GAGE10: variants seen among roughly 807,000 people sequenced by gnomAD.
The protein encoded by GAGE10 is G antigen 10.
Under a neutral mutation model 11.5 loss-of-function variants are expected in GAGE10, and 9 were observed. The ratio of observed to expected loss-of-function variants is 0.78; its 90% CI spans 0.47 to 1.37. The LOEUF is 1.37. Among genes scored for constraint, GAGE10 ranks in the 40% most tolerant of loss-of-function variants. The probability of loss-of-function intolerance (pLI) is 0.00; values close to 1 mark genes in which losing one functional copy is unlikely to be tolerated. For synonymous variants in GAGE10, 23 were observed against 29.7 expected (o/e 0.77, Z 0.73); for missense variants, 83 against 92.9 (o/e 0.89, Z 0.44).
At chrX:49,319,377 T>A (rs2066407053) in intron 4 of GAGE10, among the ~76,000 whole-genome samples, 1 of 113,490 alleles carries the variant, frequency 8.8e-6, no homozygotes, top group Non-Finnish European at 1.9e-5. Context: ...TTTAGAGACA[T>A]GAATTGATAA....
intron 3 of GAGE10, among the ~76,000 whole-genome samples, chrX:49,309,743 C>A (rs782677086): frequency 1.3e-4 from 14 of 111,866 alleles, no homozygotes; most frequent in Non-Finnish European, 2.3e-4. Context: ...AATCTACCCC[C>A]CTTTACTAAG....
chrX:49,317,152 T>C lies in GAGE10; in HGVS notation c.203-11T>C. 1 of 1,196,711 alleles carries C rather than the reference T, an allele frequency of 8.4e-7. No individual in the cohort carries two copies. Among genetic ancestry groups the C allele is most frequent in the Non-Finnish European group, 1.1e-6 (1 of 885,327 alleles). ...TACTGCTTAAATTGATATGTATTTTTTATTTTTAATGGCCGAAGCCTGAAG... is the reference window on the plus strand; with the variant it reads ...TACTGCTTAAATTGATATGTATTTTCTATTTTTAATGGCCGAAGCCTGAAG... On this transcript the variant is annotated splice_polypyrimidine_tract_variant and intron_variant, in intron 3 of 4. Transcript: ENST00000407599.
chrX:49,317,078 A>G (rs2066394534), intron 3 of GAGE10, 85 bp from the exon 4 acceptor site: 1 of 1,029,915 alleles, frequency 9.7e-7, no homozygotes, highest in Admixed American at 2.5e-5. Flanking sequence ...GCTTTTATAT[A>G]ATAACACCGA....
At chrX:49,317,061 A>G (rs1469586920) in intron 3 of GAGE10, 102 bp from the exon 4 acceptor site, 6 of 955,962 alleles carry the variant, frequency 6.3e-6, no homozygotes, top group Non-Finnish European at 7.1e-6. Flanking sequence ...TTATTATACT[A>G]GCTAAAGCTT....
chrX:49,315,414 G>T (rs1451477188), intron 3 of GAGE10, among the ~76,000 whole-genome samples: 1 of 111,577 alleles, frequency 9.0e-6, no homozygotes, highest in Non-Finnish European at 1.9e-5. Context: ...AAATATTATG[G>T]GCCAACTACC....
intron 3 of GAGE10, among the ~76,000 whole-genome samples, chrX:49,316,953 T>C (rs1169280797): frequency 3.4e-4 from 38 of 111,125 alleles, no homozygotes; most frequent in African/African-American, 1.2e-3. Flanking sequence ...GGGCAGTCTC[T>C]GGAAAGGAAG....
At chrX:49,317,092 C>T in intron 3 of GAGE10, 71 bp from the exon 4 acceptor site, 2 of 1,071,813 alleles carry the variant, frequency 1.9e-6, no homozygotes, top group Admixed American at 2.3e-5. Flanking sequence ...ACACCGAGAG[C>T]ATGAATATTA....
chrX:49,317,339 T>C, intron 4 of GAGE10, 51 bp downstream of exon 4: 7 of 1,160,512 alleles, frequency 6.0e-6, no homozygotes, highest in Non-Finnish European at 7.0e-6. Flanking sequence ...TTCCACAGTA[T>C]CGTATCATAA....
Position 49,304,906 on chromosome X carries a change from A to C in GAGE10, c.47A>C (p.Tyr16Ser). The C allele has an allele frequency of 8.3e-7, 1 of 1,209,212 alleles. No individual in the cohort carries two copies. The highest frequency in any genetic ancestry group is 1.8e-5 in the South Asian group (1 of 56,936). Reference protein sequence around the residue: ...RSTYRPRPRRYVEPPEMIGPM... With the variant: ...RSTYRPRPRRSVEPPEMIGPM... ...ACCTATCGGCCTAGACCAAGACGCTACGTAGAGCCCCCTGAAATGATTGGG... is the reference window on the plus strand; with the variant it reads ...ACCTATCGGCCTAGACCAAGACGCTCCGTAGAGCCCCCTGAAATGATTGGG... The change falls in exon 2 of 5, where the codon TAC becomes TCC. Residue 16 changes from tyrosine (Y) to serine (S), a missense_variant. Tyr to Ser is a moderately radical substitution (Grantham distance 144). Coordinates refer to ENST00000407599, the MANE Select transcript of GAGE10 (RefSeq NM_001098413.4).
At position 49,307,402 on chromosome X, in the gene GAGE10, A is replaced by G. The variant is rs782033279; in HGVS notation, c.202+1878A>G. On this transcript the variant is annotated intron_variant, in intron 3 of 4. Transcript: ENST00000407599. ...AAAATCAAAATCAGGAAATTTAACA[A>G]TGAGAAAATGCAGTCATTTATTACA... Among the ~76,000 whole-genome samples, 5 of 112,489 alleles carry G rather than the reference A, an allele frequency of 4.4e-5. No individual in the cohort carries two copies. In the East Asian group the frequency reaches 1.4e-3, roughly 31 times the overall value.
At chrX:49,317,394 C>CTG (rs2066397332) in intron 4 of GAGE10, 106 bp downstream of exon 4, 34 of 1,076,895 alleles carry the variant, frequency 3.2e-5, no homozygotes, top group Non-Finnish European at 3.8e-5. Flanking sequence ...GTCCACCAGG[C>CTG]TGGAGTGCAG....
chrX:49,306,640 T>A (rs782434618), intron 3 of GAGE10, among the ~76,000 whole-genome samples: 9 of 111,476 alleles, frequency 8.1e-5, no homozygotes, highest in Non-Finnish European at 1.5e-4. Flanking sequence ...CGGTACTCTA[T>A]GGCTGAATAT....
Position 49,307,475 on chromosome X carries a change from C to CTT in GAGE10, c.202+1963_202+1964dup, listed in dbSNP as rs60753797. On this transcript the variant is annotated intron_variant, in intron 3 of 4. Coordinates refer to ENST00000407599, the MANE Select transcript of GAGE10 (RefSeq NM_001098413.4). ...AGTTCTCCAGACAATTTCTTTTTTC[C>CTT]TTTTTTTTTTTTTCCTTTGTTGAGA... Among the ~76,000 whole-genome samples the CTT allele has an allele frequency of 3.9e-3, 399 of 103,591 alleles. 3 individuals are homozygous for CTT. Among genetic ancestry groups the CTT allele is most frequent in the African/African-American group, 0.011 (305 of 28,536 alleles). The allele number at this position is 103,591 out of a possible 115,157, so 90.0% of individuals were successfully genotyped here. A position where few individuals can be genotyped will look rare whatever the true frequency, so the allele number is the denominator to read the frequency against.
intron 3 of GAGE10, among the ~76,000 whole-genome samples, chrX:49,308,668 G>T (rs1410165730): frequency 4.5e-5 from 5 of 112,149 alleles, no homozygotes; most frequent in Non-Finnish European, 7.5e-5. Flanking sequence ...CTCAGTGGTG[G>T]AGAAAATGGG....
intron 3 of GAGE10, among the ~76,000 whole-genome samples, chrX:49,316,690 T>C (rs1360667846): frequency 2.7e-5 from 3 of 112,421 alleles, no homozygotes; most frequent in Non-Finnish European, 5.6e-5. Context: ...TTGTCATTCA[T>C]GATACAGACA....
At chrX:49,305,741 G>T (rs1441255268) in intron 3 of GAGE10, among the ~76,000 whole-genome samples, 1 of 111,730 alleles carries the variant, frequency 9.0e-6, no homozygotes, top group Admixed American at 9.5e-5. Context: ...TATGATAAAA[G>T]TTCTCATCTT....
intron 4 of GAGE10, among the ~76,000 whole-genome samples, chrX:49,317,748 C>T (rs1220624098): frequency 3.6e-5 from 4 of 110,558 alleles, no homozygotes; most frequent in East Asian, 5.6e-4. Flanking sequence ...CCCCAGCACC[C>T]GACTGATAGA....
intron 4 of GAGE10, among the ~76,000 whole-genome samples, chrX:49,317,698 G>C (rs4824465): frequency 6.3e-5 from 7 of 111,745 alleles, no homozygotes; most frequent in East Asian, 2.8e-4. Context: ...TCTTTAGTAA[G>C]AGAGTTCTTA....
At chrX:49,307,618 A>G (rs1557124304) in intron 3 of GAGE10, among the ~76,000 whole-genome samples, 1 of 111,027 alleles carries the variant, frequency 9.0e-6, no homozygotes, top group Non-Finnish European at 1.9e-5. Context: ...AGCTAGGACT[A>G]CAGGGCCTGG....
Sources: gnomAD v4.1 joint callset for allele counts (sites outside exome capture counted in the v4.1 genomes callset) on GRCh38, gnomAD v4.1.1 for gene constraint, MANE v1.5 for transcripts, NCBI Gene and HGNC (gene_info 2026-07-23, HGNC 2026-07-21) for gene names.